Variants in MICAL3 observed in about 807,000 individuals in gnomAD.
MICAL3 encodes the protein microtubule associated monooxygenase, calponin and LIM domain containing 3.
Under a neutral mutation model 207.4 loss-of-function variants are expected in MICAL3, and 62 were observed. That is an observed-to-expected ratio of 0.30 (90% CI 0.24 to 0.37). MICAL3 has a LOEUF of 0.37. MICAL3 is among the 10% of genes least tolerant of loss of function. MICAL3 has a pLI of 1.00. For synonymous variants in MICAL3, 1,077 were observed against 1,069.3 expected (o/e 1.01, Z -0.14); for missense variants, 2,368 against 2,635.6 (o/e 0.90, Z 2.22).
At chr22:17,921,780 C>T (rs1288081541) in intron 1 of MICAL3, among the ~76,000 whole-genome samples, 5 of 152,140 alleles carry the variant, frequency 3.3e-5, no homozygotes, top group Admixed American at 6.5e-5. Flanking sequence ...TGAGCCACCG[C>T]GCCCGGCTAG....
intron 1 of MICAL3, among the ~76,000 whole-genome samples, chr22:17,981,937 T>C (rs1472958687): frequency 1.3e-5 from 2 of 151,970 alleles, no homozygotes; most frequent in Non-Finnish European, 2.9e-5. Context: ...ACCTTGCCTC[T>C]ACAAAAAAAT....
intron 18 of MICAL3, among the ~76,000 whole-genome samples, chr22:17,865,673 T>C (rs4819640): frequency 0.28 from 42,613 of 152,194 alleles, 6,146 homozygotes; most frequent in Admixed American, 0.36. Context: ...GCAGCTGAGA[T>C]GGAGAGCTGC....
intron 16 of MICAL3, 86 bp from the exon 17 acceptor site, chr22:17,872,109 A>G: frequency 8.5e-7 from 1 of 1,179,264 alleles, no homozygotes; most frequent in Non-Finnish European, 1.2e-6. Context: ...TGCGAGAGCA[A>G]AGCCAACCCT....
chr22:17,899,587 G>A (rs1204029347), intron 6 of MICAL3, 39 bp from the exon 7 acceptor site: 2 of 1,336,766 alleles, frequency 1.5e-6, no homozygotes, highest in Non-Finnish European at 2.1e-6. Flanking sequence ...TAAGTTTGCT[G>A]AGATGAAGGT....
chr22:17,872,646 A>G, intron 16 of MICAL3: 1 of 747,390 alleles, frequency 1.3e-6, no homozygotes, highest in South Asian at 1.5e-5. Context: ...ATTACCGCAT[A>G]GCATACACGG....
rs111805578 is a variant in MICAL3, at chr22:17,817,531, C to T, written c.5130G>A (p.Lys1710=). Residue 1710 remains lysine (K), a synonymous_variant, in exon 26 of 32, where the codon AAG becomes AAA. Transcript: ENST00000441493. ...GGCCCTCGCCTTTGGACTTCTTCTCCTTCTTGTTTCTGCGGGGGGAGAAGA... is the reference window on the plus strand; with the variant it reads ...GGCCCTCGCCTTTGGACTTCTTCTCTTTCTTGTTTCTGCGGGGGGAGAAGA... The part of the protein sequence containing the change: ...SSLFSPRRNK[K]EKKSKGEGRP... The T allele has an allele frequency of 1.9e-4, 302 of 1,613,522 alleles. 1 individual carries two copies. In the African/African-American group the frequency reaches 3.6e-3, roughly 19 times the overall value.
At chr22:17,928,512 T>C (rs1256450358) in intron 1 of MICAL3, among the ~76,000 whole-genome samples, 2 of 151,878 alleles carry the variant, frequency 1.3e-5, no homozygotes, top group East Asian at 3.9e-4. Flanking sequence ...ATGAGATATA[T>C]CTAGTGTGGT....
chr22:17,851,041 G>A (rs1464756681), intron 19 of MICAL3, among the ~76,000 whole-genome samples: 1 of 152,182 alleles, frequency 6.6e-6, no homozygotes, highest in African/African-American at 2.4e-5. Context: ...ATTCAGCTGG[G>A]TCTCCTCTTA....
At chr22:17,947,272 G>C (rs749206234) in intron 1 of MICAL3, among the ~76,000 whole-genome samples, 68 of 152,346 alleles carry the variant, frequency 4.5e-4, no homozygotes, top group Non-Finnish European at 7.8e-4. Flanking sequence ...CCAGAGGACA[G>C]TGGGCCCCCC....
intron 1 of MICAL3, among the ~76,000 whole-genome samples, chr22:17,933,719 G>T (rs965825526): frequency 1.3e-5 from 2 of 152,042 alleles, no homozygotes; most frequent in Admixed American, 6.6e-5. Flanking sequence ...AAAATTGATA[G>T]AGCACTAGCA....
chr22:18,006,403 G>A (rs1923389647), intron 1 of MICAL3: 1 of 152,186 alleles, frequency 6.6e-6, no homozygotes. Flanking sequence ...TTGGGGAGAT[G>A]GGCAGTGTCC....
chr22:17,833,735 C>T (rs564030200), intron 20 of MICAL3, among the ~76,000 whole-genome samples: 5 of 152,240 alleles, frequency 3.3e-5, no homozygotes, highest in East Asian at 3.9e-4. Flanking sequence ...TCCAGTGACC[C>T]GGAGACTGAG....
chr22:17,808,788 C>T (rs1010057633), intron 29 of MICAL3, 56 bp downstream of exon 29: 13 of 1,451,802 alleles, frequency 9.0e-6, no homozygotes, highest in East Asian at 5.0e-5. Context: ...TAGCCTACCA[C>T]GGCGGGAGGG....
At position 17,788,742 on chromosome 22, in the gene MICAL3, G is replaced by C. The variant is rs2061804534; in HGVS notation, c.*1990C>G. 6.6e-6 allele frequency: 1 copy of C among 152,366 alleles called. No homozygotes were observed. The highest frequency in any genetic ancestry group is 6.5e-5 in the Admixed American group (1 of 15,294). The allele number at this position is 152,366 out of a possible 1,614,324, so 9.4% of individuals were successfully genotyped here. A position where few individuals can be genotyped will look rare whatever the true frequency, so the allele number is the denominator to read the frequency against. On this transcript the variant is annotated 3_prime_UTR_variant, in exon 32 of 32. Coordinates refer to ENST00000441493, the MANE Select transcript of MICAL3 (RefSeq NM_015241.3). ...TTATCTCCCGGATGTGCATGGGAGA[G>C]AGATGGCAGCTTCTGGACAGACAAG...
chr22:17,850,701 C>T (rs9617628), intron 19 of MICAL3, among the ~76,000 whole-genome samples: 14,291 of 151,994 alleles, frequency 0.094, 981 homozygotes, highest in African/African-American at 0.19. Context: ...TATGAGCCAC[C>T]GTGCCTGGCC....
intron 1 of MICAL3, among the ~76,000 whole-genome samples, chr22:17,962,075 G>A (rs1349838856): frequency 1.3e-5 from 2 of 152,192 alleles, no homozygotes; most frequent in Non-Finnish European, 2.9e-5. Flanking sequence ...TAATTTTCAA[G>A]GCCAGTGACT....
At chr22:17,845,315 G>A (rs745908131) in intron 19 of MICAL3, among the ~76,000 whole-genome samples, 6 of 152,174 alleles carry the variant, frequency 3.9e-5, no homozygotes, top group Non-Finnish European at 7.4e-5. Context: ...TCCAAGAGGC[G>A]TCTGTTTGAC....
At chr22:17,922,640 T>C (rs1233149975) in intron 1 of MICAL3, among the ~76,000 whole-genome samples, 1 of 152,074 alleles carries the variant, frequency 6.6e-6, no homozygotes, top group Non-Finnish European at 1.5e-5. Flanking sequence ...TTCTTAGAGA[T>C]GCAAATGGCT....
At chr22:17,934,158 A>G (rs146924004) in intron 1 of MICAL3, among the ~76,000 whole-genome samples, 2 of 152,366 alleles carry the variant, frequency 1.3e-5, no homozygotes, top group East Asian at 1.9e-4. Flanking sequence ...CAACAACAAA[A>G]AAGAATTTTA....
Sources: gnomAD v4.1 joint callset for allele counts (sites outside exome capture counted in the v4.1 genomes callset) on GRCh38, gnomAD v4.1.1 for gene constraint, MANE v1.5 for transcripts, NCBI Gene and HGNC (gene_info 2026-07-23, HGNC 2026-07-21) for gene names.